PDE4B: variants seen among roughly 807,000 people sequenced by gnomAD.
PDE4B encodes the protein 3',5'-cyclic-AMP phosphodiesterase 4B.
A neutral mutation model predicts 82.2 loss-of-function variants in PDE4B; 20 were observed. The observed-to-expected ratio is 0.24, with a 90% CI of 0.17 to 0.35. The LOEUF is 0.35. Among genes scored for constraint, PDE4B ranks in the 10% least tolerant of loss-of-function variants. The probability of loss-of-function intolerance (pLI) is 1.00; values close to 1 mark genes in which losing one functional copy is unlikely to be tolerated. For missense variants in PDE4B, 655 were observed against 907.2 expected (o/e 0.72, Z 3.57); for synonymous variants, 320 against 318.9 (o/e 1.00, Z -0.04).
chr1:66,041,667 C>T (rs1420934019), intron 3 of PDE4B, among the ~76,000 whole-genome samples: 2 of 151,980 alleles, frequency 1.3e-5, no homozygotes, highest in Non-Finnish European at 2.9e-5. Context: ...GTCTCTGCTA[C>T]GTGCTCCAGT....
chr1:66,193,065 T>C (rs1647968169), intron 3 of PDE4B, among the ~76,000 whole-genome samples: 1 of 152,170 alleles, frequency 6.6e-6, no homozygotes, highest in Non-Finnish European at 1.5e-5. Flanking sequence ...TAAAAAGATA[T>C]GGATTTTATT....
chr1:66,128,301 A>G (rs1645865291), intron 3 of PDE4B, among the ~76,000 whole-genome samples: 1 of 152,204 alleles, frequency 6.6e-6, no homozygotes, highest in Non-Finnish European at 1.5e-5. Context: ...TTTCCAAAGG[A>G]ACACTTTATT....
At chr1:66,361,215 C>T (rs1451146039) in intron 9 of PDE4B, among the ~76,000 whole-genome samples, 3 of 151,950 alleles carry the variant, frequency 2.0e-5, no homozygotes, top group East Asian at 1.9e-4. Context: ...ATATGTTAAT[C>T]CCTTTATTTA....
chr1:66,349,509 G>C (rs902669223), intron 8 of PDE4B, among the ~76,000 whole-genome samples: 10 of 152,192 alleles, frequency 6.6e-5, no homozygotes, highest in African/African-American at 2.4e-4. Flanking sequence ...TAGTACAGCA[G>C]AACTTGTTTG....
intron 3 of PDE4B, 59 bp from the exon 4 acceptor site, chr1:66,247,400 AT>A: frequency 8.3e-7 from 1 of 1,206,954 alleles, no homozygotes; most frequent in East Asian, 2.4e-5. Flanking sequence ...TTCTCAGTGT[AT>A]ACTATGTGTC....
At chr1:66,147,493 TCA>T (rs1187459764) in intron 3 of PDE4B, among the ~76,000 whole-genome samples, 1 of 152,312 alleles carries the variant, frequency 6.6e-6, no homozygotes, top group African/African-American at 2.4e-5. Context: ...ATGCCCACAC[TCA>T]CAGTTTCCTC....
At chr1:66,132,555 G>A (rs1645971492) in intron 3 of PDE4B, among the ~76,000 whole-genome samples, 1 of 152,084 alleles carries the variant, frequency 6.6e-6, no homozygotes, top group African/African-American at 2.4e-5. Context: ...GTGCTATAAA[G>A]GCCTGCAGAT....
intron 3 of PDE4B, among the ~76,000 whole-genome samples, chr1:65,965,170 G>C (rs1649747490): frequency 6.6e-6 from 1 of 152,100 alleles, no homozygotes; most frequent in Non-Finnish European, 1.5e-5. Flanking sequence ...AGAAAGGTGA[G>C]TGGGGGTAAC....
intron 1 of PDE4B, among the ~76,000 whole-genome samples, chr1:65,885,627 C>T (rs1646765232): frequency 6.6e-6 from 1 of 151,754 alleles, no homozygotes; most frequent in African/African-American, 2.4e-5. Flanking sequence ...AACCAAACAC[C>T]ACATGTTCTC....
intron 9 of PDE4B, among the ~76,000 whole-genome samples, chr1:66,357,426 A>T (rs1662341898): frequency 6.6e-6 from 1 of 152,106 alleles, no homozygotes; most frequent in Non-Finnish European, 1.5e-5. Context: ...AAAAAGAAAA[A>T]TTTAAAAAGA....
intron 4 of PDE4B, among the ~76,000 whole-genome samples, chr1:66,253,693 A>G (rs576671415): frequency 6.6e-6 from 1 of 152,380 alleles, no homozygotes; most frequent in South Asian, 2.1e-4. Context: ...AATTTATAAT[A>G]GTTCCATAAA....
chr1:66,248,385 A>C (rs1337275955), intron 4 of PDE4B, among the ~76,000 whole-genome samples: 1 of 152,216 alleles, frequency 6.6e-6, no homozygotes, highest in African/African-American at 2.4e-5. Flanking sequence ...ATTATATGTC[A>C]TAAAAGTATC....
intron 8 of PDE4B, among the ~76,000 whole-genome samples, chr1:66,351,412 A>G (rs1402837570): frequency 6.6e-6 from 1 of 152,202 alleles, no homozygotes; most frequent in East Asian, 1.9e-4. Context: ...ACACAGTTTT[A>G]CCCAGGAGCT....
intron 1 of PDE4B, among the ~76,000 whole-genome samples, chr1:65,838,980 A>G (rs1310751203): frequency 2.0e-5 from 3 of 152,166 alleles, no homozygotes; most frequent in Non-Finnish European, 4.4e-5. Context: ...TGGATGATGA[A>G]CTTAAAAAGG....
At chr1:65,862,110 C>T (rs944987786) in intron 1 of PDE4B, among the ~76,000 whole-genome samples, 2 of 152,134 alleles carry the variant, frequency 1.3e-5, no homozygotes, top group African/African-American at 4.8e-5. Flanking sequence ...TGAGAGAGGG[C>T]ATCCTTGTCT....
At chr1:65,993,073 G>C (rs1651334598) in intron 3 of PDE4B, 1 of 1,613,920 alleles carries the variant, frequency 6.2e-7, no homozygotes, top group Admixed American at 1.7e-5. Flanking sequence ...AACTCACCAT[G>C]CTTTTTCAGA....
intron 1 of PDE4B, among the ~76,000 whole-genome samples, chr1:65,881,109 T>C (rs933486674): frequency 6.6e-6 from 1 of 152,230 alleles, no homozygotes; most frequent in Non-Finnish European, 1.5e-5. Flanking sequence ...TAACCCTGCC[T>C]GTACCTCTAT....
intron 7 of PDE4B, among the ~76,000 whole-genome samples, chr1:66,322,896 A>G (rs1659507655): frequency 6.6e-6 from 1 of 152,152 alleles, no homozygotes; most frequent in Non-Finnish European, 1.5e-5. Context: ...TTTAGAGATG[A>G]GGAAATTAAG....
chr1:65,914,470 C>CTTCTT (rs1553120183), intron 2 of PDE4B, among the ~76,000 whole-genome samples: 18 of 145,092 alleles, frequency 1.2e-4, no homozygotes, highest in South Asian at 4.3e-4. Flanking sequence ...TCTTCTTCTT[C>CTTCTT]TTTTTTTTTT....
Sources: allele counts gnomAD v4.1 joint callset (sites outside exome capture counted in the v4.1 genomes callset), GRCh38; gene constraint gnomAD v4.1.1; transcripts MANE v1.5; gene names NCBI Gene and HGNC (gene_info 2026-07-23, HGNC 2026-07-21).